RIMS1: variants seen among roughly 807,000 people sequenced by gnomAD.
The protein encoded by RIMS1 is regulating synaptic membrane exocytosis 1.
Under a neutral mutation model 214.1 loss-of-function variants are expected in RIMS1, and 83 were observed. The observed-to-expected ratio is 0.39, with a 90% CI of 0.32 to 0.47. The LOEUF (loss-of-function observed/expected upper bound fraction) is 0.47, where lower values mean the gene tolerates loss of function less well. RIMS1 is among the 20% of genes least tolerant of loss of function. The pLI is 0.99. For synonymous variants in RIMS1, 793 were observed against 786.8 expected, an observed-to-expected ratio of 1.01 and a Z score of -0.13; for missense variants, 2,050 against 2,161.8, an observed-to-expected ratio of 0.95 and a Z score of 1.03.
At chr6:71,908,405 C>T (rs59177092) in intron 1 of RIMS1, among the ~76,000 whole-genome samples, 53 of 152,182 alleles carry the variant, frequency 3.5e-4, no homozygotes, top group African/African-American at 1.2e-3. Flanking sequence ...TGAACCCAGC[C>T]CTTTGTGCCA....
At chr6:72,237,162 C>T (rs2064490531) in intron 8 of RIMS1, among the ~76,000 whole-genome samples, 1 of 149,038 alleles carries the variant, frequency 6.7e-6, no homozygotes, top group Non-Finnish European at 1.5e-5. Context: ...TCTATGATCA[C>T]ATCAACACAC....
rs2098832253 is a variant in RIMS1 at position 72,401,029 on chromosome 6, T to G, written c.*315T>G. 2 of 247,408 alleles carry G rather than the reference T, an allele frequency of 8.1e-6. No homozygotes were observed. Among genetic ancestry groups the G allele is most frequent in the Non-Finnish European group, 1.6e-5 (2 of 125,540 alleles). 15.3% of individuals were successfully genotyped at this position (247,408 alleles called of 1,614,324 possible). On this transcript the variant is annotated 3_prime_UTR_variant, in exon 34 of 34. Transcript: ENST00000521978. ...CACATGCACACACACACACACCAAA[T>G]TGAACAAACTGGAAACTCTCACTCT...
At chr6:72,236,911 A>C (rs1236575749) in intron 8 of RIMS1, among the ~76,000 whole-genome samples, 1 of 152,024 alleles carries the variant, frequency 6.6e-6, no homozygotes, top group African/African-American at 2.4e-5. Context: ...TTAAGAAATC[A>C]CTACAGCCTG....
At chr6:71,889,833 G>A (rs1384378051) in intron 1 of RIMS1, among the ~76,000 whole-genome samples, 1 of 152,174 alleles carries the variant, frequency 6.6e-6, no homozygotes, top group Non-Finnish European at 1.5e-5. Flanking sequence ...TGTTACATCA[G>A]AGAAAAGTTT....
At chr6:72,007,232 A>G (rs912096724) in intron 2 of RIMS1, among the ~76,000 whole-genome samples, 2 of 152,256 alleles carry the variant, frequency 1.3e-5, no homozygotes, top group Admixed American at 6.5e-5. Flanking sequence ...GTGGACCTCC[A>G]GCAAACTCCA....
intron 3 of RIMS1, among the ~76,000 whole-genome samples, 179 bp from the exon 4 acceptor site, chr6:72,099,796 G>A (rs1406282533): frequency 2.6e-5 from 4 of 151,970 alleles, no homozygotes; most frequent in African/African-American, 4.8e-5. Flanking sequence ...ATGAAGGATT[G>A]AACAATTACT....
chr6:72,361,630 G>A (rs1012132185), intron 29 of RIMS1, among the ~76,000 whole-genome samples: 2 of 152,072 alleles, frequency 1.3e-5, no homozygotes, highest in African/African-American at 4.8e-5. Context: ...TATAAATACC[G>A]CGATTGCTTT....
chr6:72,189,013 C>T (rs1008537923), intron 6 of RIMS1, among the ~76,000 whole-genome samples: 1 of 152,176 alleles, frequency 6.6e-6, no homozygotes, highest in African/African-American at 2.4e-5. Context: ...AGGTTCCTTC[C>T]TCTGGAACTA....
intron 1 of RIMS1, among the ~76,000 whole-genome samples, chr6:71,953,510 G>T (rs1043493112): frequency 6.6e-5 from 10 of 152,104 alleles, no homozygotes; most frequent in Non-Finnish European, 1.2e-4. Context: ...AAGCAGGGGG[G>T]AAAAAGCATT....
chr6:71,916,080 A>T (rs544703094), intron 1 of RIMS1, among the ~76,000 whole-genome samples: 1 of 152,236 alleles, frequency 6.6e-6, no homozygotes, highest in South Asian at 2.1e-4. Flanking sequence ...TTGGGTGGGG[A>T]CACAGCCAAA....
chr6:71,955,821 A>G (rs780921750), intron 1 of RIMS1, among the ~76,000 whole-genome samples: 12 of 152,108 alleles, frequency 7.9e-5, no homozygotes, highest in Non-Finnish European at 1.3e-4. Context: ...AGTAATTCTT[A>G]ACTACTTAGT....
chr6:72,060,940 TTTC>T (rs1411277653), intron 2 of RIMS1, among the ~76,000 whole-genome samples: 4 of 152,290 alleles, frequency 2.6e-5, no homozygotes, highest in African/African-American at 9.6e-5. Context: ...ATGAGAAAAT[TTTC>T]TTCTTTTTTT....
chr6:71,917,054 T>C (rs1243089434), intron 1 of RIMS1, among the ~76,000 whole-genome samples: 6 of 152,184 alleles, frequency 3.9e-5, no homozygotes, highest in Non-Finnish European at 8.8e-5. Flanking sequence ...TGCTGCCTAC[T>C]GTGTGACCAT....
intron 4 of RIMS1, among the ~76,000 whole-genome samples, chr6:72,111,315 C>G (rs769059797): frequency 3.9e-5 from 6 of 152,056 alleles, no homozygotes; most frequent in Non-Finnish European, 7.4e-5. Flanking sequence ...CACCACCTTC[C>G]GTTAGTAATA....
At chr6:72,348,946 A>G (rs2097356741) in intron 29 of RIMS1, among the ~76,000 whole-genome samples, 1 of 152,010 alleles carries the variant, frequency 6.6e-6, no homozygotes, top group Non-Finnish European at 1.5e-5. Flanking sequence ...AAAATACTTA[A>G]GTATTTAAGC....
Position 72,182,421 on chromosome 6 carries a change from G to A in RIMS1, c.950G>A (p.Arg317Gln), listed in dbSNP as rs748212094. Residue 317 changes from arginine (R) to glutamine (Q), a missense_variant, in exon 6 of 34, where the codon CGA (arginine) becomes CAA (glutamine). By Grantham distance (43) the Arg-to-Gln change is conservative (BLOSUM62 1). Transcript: ENST00000521978. ...ERERKERRES[R>Q]RLEKGRSQDY... ...GAGCGCAAAGAAAGGCGGGAAAGCC[G>A]AAGGCTTGAGAAAGGGCGATCACAG... 2 of 1,613,790 alleles carry A rather than the reference G, an allele frequency of 1.2e-6. No individual in the cohort carries two copies. Among genetic ancestry groups the A allele is most frequent in the Admixed American group, 1.7e-5 (1 of 60,000 alleles).
intron 6 of RIMS1, among the ~76,000 whole-genome samples, chr6:72,199,241 A>G (rs558803344): frequency 6.6e-6 from 1 of 152,230 alleles, no homozygotes; most frequent in African/African-American, 2.4e-5. Context: ...TTGATAAAAA[A>G]TAAACTTAAA....
intron 4 of RIMS1, among the ~76,000 whole-genome samples, chr6:72,147,232 T>C (rs2042877830): frequency 6.6e-6 from 1 of 152,256 alleles, no homozygotes; most frequent in Non-Finnish European, 1.5e-5. Flanking sequence ...TGCATTTATT[T>C]TTCTTTAGTC....
chr6:72,395,540 G>C (rs1370148472), intron 31 of RIMS1, among the ~76,000 whole-genome samples: 1 of 152,022 alleles, frequency 6.6e-6, no homozygotes, highest in South Asian at 2.1e-4. Flanking sequence ...CAGAGTTGAG[G>C]AGAGAATTGG....
Sources: gnomAD v4.1 joint callset for allele counts (sites outside exome capture counted in the v4.1 genomes callset) on GRCh38, gnomAD v4.1.1 for gene constraint, MANE v1.5 for transcripts, NCBI Gene and HGNC (gene_info 2026-07-23, HGNC 2026-07-21) for gene names.